The following PIWIL2 variants were observed in gnomAD, a reference collection of about 807,000 sequenced individuals.
PIWIL2 encodes piwi-like protein 2.
A neutral mutation model predicts 116.5 loss-of-function variants in PIWIL2; 81 were observed. The observed-to-expected ratio is 0.70, with a 90% confidence interval of 0.58 to 0.84. PIWIL2 has a LOEUF of 0.84. Ranked by LOEUF, PIWIL2 falls within the 40% of genes least tolerant of loss-of-function variation. The pLI is 0.00. For synonymous variants in PIWIL2, 489 were observed against 429.5 expected (o/e 1.14, Z -1.71); for missense variants, 1,272 against 1,212.3 (o/e 1.05, Z -0.73).
intron 10 of PIWIL2, among the ~76,000 whole-genome samples, chr8:22,298,634 A>G (rs1018089252): frequency 1.3e-5 from 2 of 152,202 alleles, no homozygotes; most frequent in East Asian, 3.8e-4. Flanking sequence ...GAAGTTTTCA[A>G]AATTATCTTG....
Position 22,354,197 on chromosome 8 carries a change from C to T in PIWIL2, c.2658-74C>T, listed in dbSNP as rs118126956. 1,994 of 961,738 alleles carry T rather than the reference C, an allele frequency of 2.1e-3. 5 individuals are homozygous for T. The highest frequency in any genetic ancestry group is 3.6e-3 in the Middle Eastern group (17 of 4,686). 59.6% of individuals were successfully genotyped at this position (961,738 alleles called of 1,614,324 possible). A position where few individuals can be genotyped will look rare whatever the true frequency, so the allele number is the denominator to read the frequency against. On this transcript the variant is annotated intron_variant, in intron 21 of 22. Transcript: ENST00000356766. ...TGAGCTTTAGTTGAAGGAGCTAGAA[C>T]GATCTCCAGGATCTTTGCCAGCTCT... is the stretch of plus-strand genomic sequence containing the variant.
chr8:22,344,458 G>C (rs1056598609), intron 20 of PIWIL2, among the ~76,000 whole-genome samples: 1 of 152,178 alleles, frequency 6.6e-6, no homozygotes, highest in African/African-American at 2.4e-5. Flanking sequence ...TGGGAACTCT[G>C]TTCTATTGCC....
chr8:22,325,322 G>A (rs571994264), intron 20 of PIWIL2, among the ~76,000 whole-genome samples: 13 of 152,144 alleles, frequency 8.5e-5, no homozygotes, highest in African/African-American at 2.9e-4. Context: ...GTGTAAGCCA[G>A]CCCTTCAGGT....
In PIWIL2 at chr8:22,282,229, C is replaced by T. The variant is rs372873899; in HGVS notation, c.425+714C>T. Among the ~76,000 whole-genome samples the T allele has an allele frequency of 8.7e-4, 119 of 137,046 alleles. 1 individual carries two copies. In the South Asian group the frequency reaches 8.9e-3, roughly 10 times the overall value. 89.9% of individuals were successfully genotyped at this position (137,046 alleles called of 152,430 possible). On this transcript the variant is annotated intron_variant, in intron 4 of 22. Transcript: ENST00000356766. The stretch of plus-strand genomic sequence containing the variant: ...CCGAGTAGCTGGGACTACAGGTGTG[C>T]GCCACCACACCCGGCTTTTTTTTTT...
chr8:22,301,737 T>A (rs546447010), intron 10 of PIWIL2, among the ~76,000 whole-genome samples: 14 of 152,060 alleles, frequency 9.2e-5, no homozygotes, highest in African/African-American at 3.4e-4. Context: ...TTTTTTTTTT[T>A]AGGTTTATAG....
chr8:22,290,250 G>C lies in PIWIL2; in HGVS notation c.1085G>C (p.Gly362Ala). Reference protein sequence around the residue: ...LQQHRLQIWPGYAASIRRTDG... With the variant: ...LQQHRLQIWPAYAASIRRTDG... ...CTCTCCAGATTGCAGATCTGGCCAG[G>C]CTATGCAGCTAGCATCCGAAGGACA... Residue 362 changes from glycine to alanine, a missense_variant, in exon 10 of 23, where the codon GGC becomes GCC. Gly to Ala is a moderately conservative substitution (Grantham distance 60, BLOSUM62 0). Coordinates refer to ENST00000356766, the MANE Select transcript of PIWIL2 (RefSeq NM_018068.5). 1.9e-6 allele frequency: 3 copies of C among 1,608,082 alleles called. No homozygotes were observed. Among genetic ancestry groups the C allele is most frequent in the Non-Finnish European group, 2.6e-6 (3 of 1,174,926 alleles).
chr8:22,295,085 A>G (rs971423307), intron 10 of PIWIL2, among the ~76,000 whole-genome samples: 2 of 151,950 alleles, frequency 1.3e-5, no homozygotes, highest in Non-Finnish European at 2.9e-5. Flanking sequence ...TCTGGGGGAA[A>G]AAAAAAATAT....
intron 1 of PIWIL2, among the ~76,000 whole-genome samples, chr8:22,276,279 T>A (rs1830366544): frequency 6.6e-6 from 1 of 152,218 alleles, no homozygotes; most frequent in Non-Finnish European, 1.5e-5. Context: ...AAATGTATGA[T>A]TTCTCTGTAG....
At chr8:22,330,254 T>G (rs1831825883) in intron 20 of PIWIL2, among the ~76,000 whole-genome samples, 1 of 152,182 alleles carries the variant, frequency 6.6e-6, no homozygotes. Flanking sequence ...TTCATTGCAG[T>G]TACCATAGTT....
At chr8:22,287,346 G>A (rs139454241) in intron 6 of PIWIL2, among the ~76,000 whole-genome samples, 182 bp from the exon 7 acceptor site, 1 of 152,304 alleles carries the variant, frequency 6.6e-6, no homozygotes, top group East Asian at 1.9e-4. Flanking sequence ...TATGACCTAT[G>A]GTTTCTGATG....
At chr8:22,291,264 C>T (rs1355165758) in intron 10 of PIWIL2, among the ~76,000 whole-genome samples, 1 of 151,812 alleles carries the variant, frequency 6.6e-6, no homozygotes, top group African/African-American at 2.4e-5. Flanking sequence ...AATTCTCTTG[C>T]TTCAGCCTCC....
intron 8 of PIWIL2, among the ~76,000 whole-genome samples, chr8:22,289,116 A>G (rs1251450677): frequency 6.6e-6 from 1 of 150,712 alleles, no homozygotes; most frequent in African/African-American, 2.4e-5. Context: ...CTCTTATTTA[A>G]TGAAACACAA....
Position 22,334,072 on chromosome 8 carries a change from C to T in PIWIL2, c.2403+15797C>T, listed in dbSNP as rs1390899849. Among the ~76,000 whole-genome samples the T allele has an allele frequency of 2.0e-5, 3 of 151,000 alleles. No individual in the cohort carries two copies. In the East Asian group the frequency reaches 5.9e-4, roughly 30 times the overall value. ...CACTGCAACCTCCGCCTTGTGGGTT[C>T]AAGCAATTCTTGTGCCTCAGCCTCC... is the stretch of plus-strand genomic sequence containing the variant. On this transcript the variant is annotated intron_variant, in intron 20 of 22. Transcript: ENST00000356766.
intron 20 of PIWIL2, among the ~76,000 whole-genome samples, chr8:22,345,443 T>C (rs950534432): frequency 1.3e-5 from 2 of 152,100 alleles, no homozygotes; most frequent in Non-Finnish European, 2.9e-5. Context: ...GGCGGATCAC[T>C]TGAGGCCAGG....
At chr8:22,281,050 A>T (rs1830487193) in intron 2 of PIWIL2, 70 bp from the exon 3 acceptor site, 6 of 851,068 alleles carry the variant, frequency 7.0e-6, no homozygotes, top group Non-Finnish European at 1.1e-5. Context: ...TTATATACCA[A>T]GACTAAGAAA....
intron 10 of PIWIL2, among the ~76,000 whole-genome samples, chr8:22,301,849 G>A (rs1179957550): frequency 6.6e-6 from 1 of 152,036 alleles, no homozygotes; most frequent in East Asian, 1.9e-4. Flanking sequence ...AAGTATCATA[G>A]CACTGTTTCT....
chr8:22,312,534 G>A lies in PIWIL2; in HGVS notation c.1989+1234G>A, dbSNP rs375692817. Among the ~76,000 whole-genome samples the A allele has an allele frequency of 5.3e-5, 8 of 152,128 alleles. No homozygotes were observed. The East Asian group carries it at 9.6e-4, about 18-fold the overall frequency. ...TGCTGCCTCAACCTCCCAAAGCAGT[G>A]AGATTACAGGCGTGAGTCACCATGC... On this transcript the variant is annotated intron_variant, in intron 16 of 22. Coordinates refer to ENST00000356766, the MANE Select transcript of PIWIL2 (RefSeq NM_018068.5).
At chr8:22,335,194 T>C (rs2132085224) in intron 20 of PIWIL2, among the ~76,000 whole-genome samples, 1 of 150,616 alleles carries the variant, frequency 6.6e-6, no homozygotes, top group Middle Eastern at 3.4e-3. Context: ...AATGGAAAAA[T>C]AGAAGAATGA....
chr8:22,325,481 CTTTTT>C (rs749493740), intron 20 of PIWIL2, among the ~76,000 whole-genome samples: 5,785 of 95,130 alleles, frequency 0.061, 159 homozygotes, highest in Admixed American at 0.13. Flanking sequence ...TTGATTTAGT[CTTTTT>C]TTTTTTTTTT....
Sources: gnomAD v4.1 joint callset for allele counts (sites outside exome capture counted in the v4.1 genomes callset) on GRCh38, gnomAD v4.1.1 for gene constraint, MANE v1.5 for transcripts, NCBI Gene and HGNC (gene_info 2026-07-23, HGNC 2026-07-21) for gene names.